The following S100A3 variants were observed in gnomAD, a reference collection of about 807,000 sequenced individuals.
S100A3 encodes the protein S100 calcium binding protein A3, also known as protein S100-A3.
A neutral mutation model predicts 8.0 loss-of-function variants in S100A3; 11 were observed. The observed-to-expected ratio is 1.37, with a 90% CI of 0.86 to 2.27. The LOEUF (loss-of-function observed/expected upper bound fraction) is 2.27, where lower values mean the gene tolerates loss of function less well. Ranked by LOEUF, S100A3 falls within the 30% of genes most tolerant of loss-of-function variation. The pLI is 0.00. For missense variants in S100A3, 124 were observed against 127.1 expected (o/e 0.98, Z 0.12); for synonymous variants, 43 against 49.6 (o/e 0.87, Z 0.56).
rs528252402 is a variant in S100A3, at chr1:153,547,629, G to T, written c.*53C>A. On this transcript the variant is annotated 3_prime_UTR_variant, in exon 3 of 3. Transcript: ENST00000368713. This position sits in a 1 kb window ranked among gnomAD's most constrained non-coding sequence, Gnocchi z 4.0. ...GGTACAGGAGAGAGGGTAGGAGGGG[G>T]TGTGGGAGACATGCCCAGCCCCCGA... 3 of 1,587,016 alleles carry T rather than the reference G, an allele frequency of 1.9e-6. No homozygotes were observed. Among genetic ancestry groups the T allele is most frequent in the African/African-American group, 1.3e-5 (1 of 74,400 alleles).
intron 1 of S100A3, 41 bp from the exon 2 acceptor site, chr1:153,548,531 G>C (rs1665641101): frequency 6.5e-7 from 1 of 1,535,936 alleles, no homozygotes; most frequent in Non-Finnish European, 8.8e-7. Context: ...AGAGTTCCAG[G>C]CCAGCCCCCC....
intron 1 of S100A3, 109 bp from the exon 2 acceptor site, chr1:153,548,599 C>T: frequency 1.4e-6 from 2 of 1,428,296 alleles, no homozygotes; most frequent in South Asian, 1.4e-5. Context: ...TCTTAACCTC[C>T]ATCAGGCTTC....
rs994866085 is a variant in S100A3 at position 153,547,492 on chromosome 1, T to C, written c.*190A>G. 1.2e-4 allele frequency: 81 copies of C among 655,502 alleles called. 2 individuals carry two copies. Among genetic ancestry groups the C allele is most frequent in the Non-Finnish European group, 2.0e-4 (79 of 397,128 alleles). The allele number at this position is 655,502 out of a possible 1,614,324, so 40.6% of individuals were successfully genotyped here. On this transcript the variant is annotated 3_prime_UTR_variant, in exon 3 of 3. Transcript: ENST00000368713. This position sits in a 1 kb window ranked among gnomAD's most constrained non-coding sequence, Gnocchi z 4.0. Reference sequence around the variant, plus strand: ...CAGGCAGGCTGGGCCCCAGAGTGGCTCTACCCCTCATTCGCTGGGCATCCT... The same window carrying C: ...CAGGCAGGCTGGGCCCCAGAGTGGCCCTACCCCTCATTCGCTGGGCATCCT...
Position 153,548,331 on chromosome 1 carries a change from C to T in S100A3, c.141+14G>A, listed in dbSNP as rs1257203517. On this transcript the variant is annotated intron_variant, in intron 2 of 2. Coordinates refer to ENST00000368713, the MANE Select transcript of S100A3 (RefSeq NM_002960.2). ...CCCCCGGAGGAGGAGGGGACGGACA[C>T]TCTGACTGCTCACCGGGGTCCAGGT... The T allele has an allele frequency of 4.3e-6, 7 of 1,613,442 alleles. No individual in the cohort carries two copies. In the Middle Eastern group the frequency reaches 5.0e-4, roughly 114 times the overall value.
Position 153,547,960 on chromosome 1 carries a change from C to T in S100A3, c.142-114G>A. 5 of 1,162,530 alleles carry T rather than the reference C, an allele frequency of 4.3e-6. No individual in the cohort carries two copies. In the South Asian group the frequency reaches 7.1e-5, roughly 16 times the overall value. The allele number at this position is 1,162,530 out of a possible 1,614,324, so 72.0% of individuals were successfully genotyped here. A position where few individuals can be genotyped will look rare whatever the true frequency, so the allele number is the denominator to read the frequency against. On this transcript the variant is annotated intron_variant, in intron 2 of 2. Transcript: ENST00000368713. The surrounding 1 kb of genome is among the most constrained non-coding windows in gnomAD (Gnocchi z 4.0). ...AGTGGACCCACCCCACCCCAAACTACACCCTTCTGAGGGCCGACTTCAACC... is the reference window on the plus strand; with the variant it reads ...AGTGGACCCACCCCACCCCAAACTATACCCTTCTGAGGGCCGACTTCAACC...
intron 1 of S100A3, 130 bp downstream of exon 1, chr1:153,549,048 CGAG>C (rs1461498971): frequency 6.5e-6 from 1 of 152,938 alleles, no homozygotes; most frequent in Non-Finnish European, 1.5e-5. Flanking sequence ...GCCCTGAACT[CGAG>C]GAAGCTGCAC....
Position 153,547,613 on chromosome 1 carries a change from G to T in S100A3, c.*69C>A. 6.5e-7 allele frequency: 1 copy of T among 1,548,632 alleles called. No homozygotes were observed. The highest frequency in any genetic ancestry group is 1.2e-5 in the South Asian group (1 of 85,950). On this transcript the variant is annotated 3_prime_UTR_variant, in exon 3 of 3. Transcript: ENST00000368713. The surrounding 1 kb of genome is among the most constrained non-coding windows in gnomAD (Gnocchi z 4.0). ...AGTCCAGATTGAAAGGGGTACAGGA[G>T]AGAGGGTAGGAGGGGGTGTGGGAGA...
chr1:153,548,929 C>A, intron 1 of S100A3: 1 of 161,860 alleles, frequency 6.2e-6, no homozygotes, highest in African/African-American at 2.4e-5. Flanking sequence ...AGAGCCTGGC[C>A]CTGTGCTTCT....
chr1:153,547,511 G>T lies in S100A3; in HGVS notation c.*171C>A. On this transcript the variant is annotated 3_prime_UTR_variant, in exon 3 of 3. Transcript: ENST00000368713. The surrounding 1 kb of genome is among the most constrained non-coding windows in gnomAD (Gnocchi z 4.0). ...AGTGGCTCTACCCCTCATTCGCTGGGCATCCTGAGGAAGGAGCCCTCACAT... is the reference window on the plus strand; with the variant it reads ...AGTGGCTCTACCCCTCATTCGCTGGTCATCCTGAGGAAGGAGCCCTCACAT... The T allele has an allele frequency of 2.7e-6, 2 of 735,160 alleles. No individual in the cohort carries two copies. Among genetic ancestry groups the T allele is most frequent in the Non-Finnish European group, 4.3e-6 (2 of 468,006 alleles). 45.5% of individuals were successfully genotyped at this position (735,160 alleles called of 1,614,324 possible).
In S100A3 at chr1:153,547,808, A is replaced by T. The variant is rs751261709; in HGVS notation, c.180T>A (p.Ser60Arg). 6.8e-6 allele frequency: 11 copies of T among 1,613,724 alleles called. No individual in the cohort carries two copies. In the African/African-American group the frequency reaches 1.2e-4, roughly 18 times the overall value. ...CGCAGTCCTTGTTGGTGTCCAGAACACTCATGAATTTGTTGTAGTCACATT... is the reference window on the plus strand; with the variant it reads ...CGCAGTCCTTGTTGGTGTCCAGAACTCTCATGAATTTGTTGTAGTCACATT... ...FRECDYNKFM[S>R]VLDTNKDCEV... The change falls in exon 3 of 3, where the codon AGT becomes AGA. Residue 60 changes from serine (S) to arginine (R), a missense_variant. By Grantham distance (110) the Ser-to-Arg change is moderately radical. Transcript: ENST00000368713. The surrounding 1 kb of genome is among the most constrained non-coding windows in gnomAD (Gnocchi z 4.0).
Position 153,547,680 on chromosome 1 carries a change from G to A in S100A3, c.*2C>T, listed in dbSNP as rs899901331. On this transcript the variant is annotated 3_prime_UTR_variant, in exon 3 of 3. Transcript: ENST00000368713. This position sits in a 1 kb window ranked among gnomAD's most constrained non-coding sequence, Gnocchi z 4.0. ...CAGCCAGCGCACCCCCTGGAGCAGA[G>A]GCTACTGGGAGCAGGGGGGCTCTGA... 10 of 1,613,432 alleles carry A rather than the reference G, an allele frequency of 6.2e-6. No homozygotes were observed. Among genetic ancestry groups the A allele is most frequent in the Non-Finnish European group, 6.8e-6 (8 of 1,179,650 alleles).
chr1:153,548,663 C>T (rs995202327), intron 1 of S100A3, among the ~76,000 whole-genome samples, 173 bp from the exon 2 acceptor site: 4 of 152,090 alleles, frequency 2.6e-5, no homozygotes, highest in African/African-American at 9.7e-5. Flanking sequence ...ACACCAGCCC[C>T]TCCTAATTTA....
chr1:153,547,849 G>C lies in S100A3; in HGVS notation c.142-3C>G. ...TAGTCACATTCCCGAAACTCAGTCTGTGCAAGGGAAGGGTTGGGAGAGGTA... is the reference window on the plus strand; with the variant it reads ...TAGTCACATTCCCGAAACTCAGTCTCTGCAAGGGAAGGGTTGGGAGAGGTA... On this transcript the variant is annotated splice_region_variant and splice_polypyrimidine_tract_variant and intron_variant, in intron 2 of 2. Transcript: ENST00000368713. This position sits in a 1 kb window ranked among gnomAD's most constrained non-coding sequence, Gnocchi z 4.0. 2 of 1,613,066 alleles carry C rather than the reference G, an allele frequency of 1.2e-6. No individual in the cohort carries two copies. Among genetic ancestry groups the C allele is most frequent in the Non-Finnish European group, 1.7e-6 (2 of 1,179,276 alleles).
rs371284819 is a variant in S100A3, at chr1:153,547,837, G to A, written c.151C>T (p.Arg51Trp). ...ATGAATTTGTTGTAGTCACATTCCCGAAACTCAGTCTGTGCAAGGGAAGGG... is the reference window on the plus strand; with the variant it reads ...ATGAATTTGTTGTAGTCACATTCCCAAAACTCAGTCTGTGCAAGGGAAGGG... ...ELATWTPTEF[R>W]ECDYNKFMSV... The change falls in exon 3 of 3, where the codon CGG (arginine) becomes TGG (tryptophan). Residue 51 changes from arginine (R) to tryptophan (W), a missense_variant. Physicochemically the swap from Arg to Trp is moderately radical, Grantham distance 101. Transcript: ENST00000368713. This position sits in a 1 kb window ranked among gnomAD's most constrained non-coding sequence, Gnocchi z 4.0. The A allele has an allele frequency of 7.5e-5, 121 of 1,613,490 alleles. No individual in the cohort carries two copies. Among genetic ancestry groups the A allele is most frequent in the African/African-American group, 1.2e-4 (9 of 74,862 alleles).
chr1:153,548,303 C>T, intron 2 of S100A3, 42 bp downstream of exon 2: 2 of 1,610,724 alleles, frequency 1.2e-6, no homozygotes, highest in Middle Eastern at 1.7e-4. Context: ...TAGGCAGTGC[C>T]TCCCCCCGGA....
In S100A3 at chr1:153,548,423, C is replaced by T. The variant is rs1571241550; in HGVS notation, c.63G>A (p.Gly21=). 6.2e-7 allele frequency: 1 copy of T among 1,613,554 alleles called. No individual in the cohort carries two copies. ...AGAGCTTGTATTTGTCCCCACAGCG[C>T]CCTGCGTATTCCTGGAAGGTGCACA... The part of the protein sequence containing the change: ...AIVCTFQEYA[G]RCGDKYKLCQ... The change falls in exon 2 of 3, where the codon GGG becomes GGA. Residue 21 remains glycine, a synonymous_variant. Coordinates refer to ENST00000368713, the MANE Select transcript of S100A3 (RefSeq NM_002960.2).
Position 153,547,922 on chromosome 1 carries a change from C to T in S100A3, c.142-76G>A, listed in dbSNP as rs745381212. ...GAACAGCCTCACACGCCACCTCCCTCCTTCCTCTCCCAAGTGGACCCACCC... is the reference window on the plus strand; with the variant it reads ...GAACAGCCTCACACGCCACCTCCCTTCTTCCTCTCCCAAGTGGACCCACCC... On this transcript the variant is annotated intron_variant, in intron 2 of 2. Transcript: ENST00000368713. The surrounding 1 kb of genome is among the most constrained non-coding windows in gnomAD (Gnocchi z 4.0). 14 of 1,481,706 alleles carry T rather than the reference C, an allele frequency of 9.4e-6. No homozygotes were observed. The highest frequency in any genetic ancestry group is 1.4e-5 in the African/African-American group (1 of 71,674). The allele number at this position is 1,481,706 out of a possible 1,614,324, so 91.8% of individuals were successfully genotyped here.
Position 153,547,950 on chromosome 1 carries a change from C to T in S100A3, c.142-104G>A. 8.1e-7 allele frequency: 1 copy of T among 1,233,252 alleles called. No homozygotes were observed. The highest frequency in any genetic ancestry group is 1.2e-6 in the Non-Finnish European group (1 of 865,470). 76.4% of individuals were successfully genotyped at this position (1,233,252 alleles called of 1,614,324 possible). A position where few individuals can be genotyped will look rare whatever the true frequency, so the allele number is the denominator to read the frequency against. On this transcript the variant is annotated intron_variant, in intron 2 of 2. Coordinates refer to ENST00000368713, the MANE Select transcript of S100A3 (RefSeq NM_002960.2). This position sits in a 1 kb window ranked among gnomAD's most constrained non-coding sequence, Gnocchi z 4.0. ...TCCTCTCCCAAGTGGACCCACCCCACCCCAAACTACACCCTTCTGAGGGCC... is the reference window on the plus strand; with the variant it reads ...TCCTCTCCCAAGTGGACCCACCCCATCCCAAACTACACCCTTCTGAGGGCC...
rs2101696041 is a variant in S100A3 at position 153,547,964 on chromosome 1, CT to C, written c.142-119del. 1 of 1,075,130 alleles carries C rather than the reference CT, an allele frequency of 9.3e-7. No individual in the cohort carries two copies. The highest frequency in any genetic ancestry group is 1.5e-5 in the South Asian group (1 of 67,538). The allele number at this position is 1,075,130 out of a possible 1,614,324, so 66.6% of individuals were successfully genotyped here. ...GACCCACCCCACCCCAAACTACACC[CT>C]TCTGAGGGCCGACTTCAACCTCCCT... On this transcript the variant is annotated intron_variant, in intron 2 of 2. Coordinates refer to ENST00000368713, the MANE Select transcript of S100A3 (RefSeq NM_002960.2). The surrounding 1 kb of genome is among the most constrained non-coding windows in gnomAD (Gnocchi z 4.0).
Sources: gnomAD v4.1 joint callset for allele counts (sites outside exome capture counted in the v4.1 genomes callset) on GRCh38, gnomAD v4.1.1 for gene constraint, Gnocchi (gnomAD v3.1) non-coding constraint, MANE v1.5 for transcripts, NCBI Gene and HGNC (gene_info 2026-07-23, HGNC 2026-07-21) for gene names.